The following INPP4B variants were observed in gnomAD, a reference collection of about 807,000 sequenced individuals.
INPP4B encodes inositol polyphosphate-4-phosphatase type II B.
Under a neutral mutation model 122.5 loss-of-function variants are expected in INPP4B, and 55 were observed. That is an observed-to-expected ratio of 0.45 (90% CI 0.36 to 0.56). INPP4B has a LOEUF of 0.56. Ranked by LOEUF, INPP4B falls within the 20% of genes least tolerant of loss-of-function variation. The pLI, the probability that INPP4B is intolerant of heterozygous loss-of-function variation, is 0.00. For missense variants in INPP4B, 1,000 were observed against 1,097.7 expected, an observed-to-expected ratio of 0.91 and a Z score of 1.26; for synonymous variants, 403 against 388.7, an observed-to-expected ratio of 1.04 and a Z score of -0.43.
chr4:142,122,026 A>T, intron 21 of INPP4B, 102 bp downstream of exon 21: 1 of 740,402 alleles, frequency 1.4e-6, no homozygotes, highest in South Asian at 1.8e-5. Flanking sequence ...AAAACAAAAG[A>T]AATATTCCCA....
At chr4:142,646,670 A>G (rs1437614593) in intron 2 of INPP4B, among the ~76,000 whole-genome samples, 3 of 152,230 alleles carry the variant, frequency 2.0e-5, no homozygotes, top group Non-Finnish European at 2.9e-5. Flanking sequence ...AATGCAGAAC[A>G]TGACAGGTTC....
intron 11 of INPP4B, among the ~76,000 whole-genome samples, chr4:142,242,696 C>T (rs994666337): frequency 6.6e-6 from 1 of 152,186 alleles, no homozygotes; most frequent in East Asian, 1.9e-4. Flanking sequence ...ATGTAATCAT[C>T]CTATAAACTT....
chr4:142,646,446 G>C (rs138406698), intron 2 of INPP4B, among the ~76,000 whole-genome samples: 171 of 152,188 alleles, frequency 1.1e-3, no homozygotes, highest in Middle Eastern at 3.4e-3. Flanking sequence ...AGCAATATTG[G>C]AATGTTAGAA....
chr4:142,781,865 G>A (rs1051615867), intron 1 of INPP4B, among the ~76,000 whole-genome samples: 3 of 151,588 alleles, frequency 2.0e-5, no homozygotes, highest in Non-Finnish European at 1.5e-5. Context: ...TCTAATTACT[G>A]CCCTTTAAAG....
intron 2 of INPP4B, among the ~76,000 whole-genome samples, chr4:142,642,520 A>G (rs1750742321): frequency 6.6e-6 from 1 of 152,202 alleles, no homozygotes; most frequent in South Asian, 2.1e-4. Context: ...TTTATTAAAT[A>G]GGGAATCCTT....
chr4:142,137,706 C>T (rs1231904820), intron 18 of INPP4B, among the ~76,000 whole-genome samples: 2 of 146,200 alleles, frequency 1.4e-5, no homozygotes, highest in East Asian at 2.0e-4. Context: ...ACAAACAACC[C>T]CATCAAAAAG....
chr4:142,617,444 T>C (rs934019760), intron 2 of INPP4B, among the ~76,000 whole-genome samples: 2 of 152,224 alleles, frequency 1.3e-5, no homozygotes, highest in Non-Finnish European at 2.9e-5. Flanking sequence ...CATTGCTTGC[T>C]GCTCAGAATA....
At chr4:142,444,014 T>G (rs893576603) in intron 3 of INPP4B, among the ~76,000 whole-genome samples, 2 of 151,970 alleles carry the variant, frequency 1.3e-5, no homozygotes, top group African/African-American at 4.8e-5. Flanking sequence ...TGCTAAAAAC[T>G]CTAGTGGAAA....
chr4:142,815,090 C>T (rs1208298199), intron 1 of INPP4B, among the ~76,000 whole-genome samples: 1 of 152,036 alleles, frequency 6.6e-6, no homozygotes, highest in African/African-American at 2.4e-5. Context: ...GGTCTTCCTC[C>T]CAAGAATGCA....
rs182929158 is a variant in INPP4B, at chr4:142,372,107, A to G, written c.372+30831T>C. On this transcript the variant is annotated intron_variant, in intron 7 of 25. Coordinates refer to ENST00000262992, the MANE Select transcript of INPP4B (RefSeq NM_001101669.3). ...AATAAAATACTATTCATCTATTAAC[A>G]ATAATAAAATCCTTTCATTTGCTGA... Among the ~76,000 whole-genome samples, 668 of 152,232 alleles carry G rather than the reference A, an allele frequency of 4.4e-3. 5 individuals are homozygous for G. The highest frequency in any genetic ancestry group is 0.016 in the African/African-American group (657 of 41,576).
At chr4:142,600,556 A>G (rs1445595272) in intron 2 of INPP4B, among the ~76,000 whole-genome samples, 3 of 152,164 alleles carry the variant, frequency 2.0e-5, no homozygotes, top group Non-Finnish European at 4.4e-5. Context: ...GTACATACAA[A>G]TAAGTAATAA....
intron 2 of INPP4B, chr4:142,514,553 T>C (rs1206107926): frequency 2.6e-5 from 4 of 152,196 alleles, no homozygotes. Context: ...CAAGTTTGTA[T>C]AATGCATTTA....
chr4:142,335,326 C>A (rs1776232227), intron 7 of INPP4B, among the ~76,000 whole-genome samples: 1 of 152,090 alleles, frequency 6.6e-6, no homozygotes, highest in Non-Finnish European at 1.5e-5. Context: ...GTGGAGGATG[C>A]TTTTCTTCTC....
intron 2 of INPP4B, chr4:142,660,882 C>T (rs1398284538): frequency 6.6e-6 from 1 of 152,540 alleles, no homozygotes; most frequent in Non-Finnish European, 1.5e-5. Context: ...TGCCATTTCC[C>T]CAAAACAGCG....
chr4:142,390,540 A>C (rs1797327005), intron 7 of INPP4B, among the ~76,000 whole-genome samples: 1 of 152,190 alleles, frequency 6.6e-6, no homozygotes, highest in South Asian at 2.1e-4. Flanking sequence ...TATAACTTTG[A>C]GATGCTACAG....
At chr4:142,132,061 T>C (rs1019765204) in intron 18 of INPP4B, among the ~76,000 whole-genome samples, 1 of 152,180 alleles carries the variant, frequency 6.6e-6, no homozygotes, top group African/African-American at 2.4e-5. Flanking sequence ...AACATCACCA[T>C]ATTTATGAGA....
rs79796776 is a variant in INPP4B, at chr4:142,200,807, T to C, written c.1073-7612A>G. Among the ~76,000 whole-genome samples the C allele has an allele frequency of 1.5e-3, 230 of 152,160 alleles. 1 individual carries two copies. In the East Asian group the frequency reaches 0.016, roughly 10 times the overall value. ...AAATATTCTTCAGTTTTGAACTTCA[T>C]AGAATAAATTTCAAATTGACAAACT... On this transcript the variant is annotated intron_variant, in intron 14 of 25. Coordinates refer to ENST00000262992, the MANE Select transcript of INPP4B (RefSeq NM_001101669.3).
chr4:142,317,343 G>T, intron 7 of INPP4B: 2 of 359,154 alleles, frequency 5.6e-6, no homozygotes, highest in South Asian at 5.2e-5. Context: ...AATGGGAAAT[G>T]ACTGATGGCT....
At chr4:142,325,933 G>A (rs1772190519) in intron 7 of INPP4B, among the ~76,000 whole-genome samples, 1 of 152,154 alleles carries the variant, frequency 6.6e-6, no homozygotes, top group Non-Finnish European at 1.5e-5. Flanking sequence ...ACAAGCAGGT[G>A]AAAGAATACT....
Sources: allele counts gnomAD v4.1 joint callset (sites outside exome capture counted in the v4.1 genomes callset), GRCh38; gene constraint gnomAD v4.1.1; transcripts MANE v1.5; gene names NCBI Gene and HGNC (gene_info 2026-07-23, HGNC 2026-07-21).